The following RASA1 variants were observed in gnomAD, a reference collection of about 807,000 sequenced individuals.
RASA1 encodes ras GTPase-activating protein 1.
A neutral mutation model predicts 132.2 loss-of-function variants in RASA1; 25 were observed. The observed-to-expected ratio is 0.19, with a 90% confidence interval of 0.14 to 0.26. The LOEUF (loss-of-function observed/expected upper bound fraction) is 0.26, where lower values mean the gene tolerates loss of function less well. Among genes scored for constraint, RASA1 ranks in the 10% least tolerant of loss-of-function variants. The pLI, the probability that RASA1 is intolerant of heterozygous loss-of-function variation, is 1.00. For synonymous variants in RASA1, 477 were observed against 449.9 expected, an observed-to-expected ratio of 1.06 and a Z score of -0.76; for missense variants, 964 against 1,299.2, an observed-to-expected ratio of 0.74 and a Z score of 3.97.
At chr5:87,341,988 A>G (rs994203085) in intron 6 of RASA1, among the ~76,000 whole-genome samples, 1 of 152,132 alleles carries the variant, frequency 6.6e-6, no homozygotes, top group African/African-American at 2.4e-5. Context: ...ACCTTGTTTA[A>G]TGCTTCACCC....
At position 87,385,403 on chromosome 5, in the gene RASA1, G is replaced by T. The variant is rs1761995831; in HGVS notation, c.2847+14G>T. 6.4e-7 allele frequency: 1 copy of T among 1,552,560 alleles called. No individual in the cohort carries two copies. Among genetic ancestry groups the T allele is most frequent in the South Asian group, 1.1e-5 (1 of 89,380 alleles). ...TTTGGAGCTAAGGTAAAAACATTTT[G>T]ATACTTTAAAATGTAATTTATGAAT... On this transcript the variant is annotated intron_variant, in intron 22 of 24. Transcript: ENST00000274376.
rs114703117 is a variant in RASA1 at position 87,287,656 on chromosome 5, G to A, written c.539+18666G>A. Among the ~76,000 whole-genome samples, 181 of 138,132 alleles carry A rather than the reference G, an allele frequency of 1.3e-3. 1 individual carries two copies. The highest frequency in any genetic ancestry group is 4.6e-3 in the African/African-American group (170 of 36,868). 90.6% of individuals were successfully genotyped at this position (138,132 alleles called of 152,430 possible). A position where few individuals can be genotyped will look rare whatever the true frequency, so the allele number is the denominator to read the frequency against. Reference sequence around the variant, plus strand: ...CCATAGATATACCATATATATACACGCCATAGATATACACCATATATGTAC... The same window carrying A: ...CCATAGATATACCATATATATACACACCATAGATATACACCATATATGTAC... On this transcript the variant is annotated intron_variant, in intron 1 of 24. Transcript: ENST00000274376.
intron 9 of RASA1, among the ~76,000 whole-genome samples, chr5:87,361,241 G>T (rs535462783): frequency 6.6e-6 from 1 of 152,332 alleles, no homozygotes; most frequent in South Asian, 2.1e-4. Context: ...TAAAAAACAG[G>T]TGGTGGACTG....
chr5:87,376,968 A>C lies in RASA1; in HGVS notation c.2272A>C (p.Arg758=). 1 of 1,612,676 alleles carries C rather than the reference A, an allele frequency of 6.2e-7. No homozygotes were observed. Among genetic ancestry groups the C allele is most frequent in the Non-Finnish European group, 8.5e-7 (1 of 1,178,688 alleles). The change falls in exon 17 of 25, where the codon AGG becomes CGG. Residue 758 remains arginine, a synonymous_variant. Transcript: ENST00000274376. The stretch of plus-strand genomic sequence containing the variant: ...AACACTACTGGCCAGCATCCTACTG[A>C]GGATTTTTCTTCACGAAAAGCTTGA... ...DRTLLASILL[R]IFLHEKLESL... is the part of the protein sequence containing the mutation.
At position 87,318,228 on chromosome 5, in the gene RASA1, A is replaced by T. The variant is rs142876944; in HGVS notation, c.540-13120A>T. On this transcript the variant is annotated intron_variant, in intron 1 of 24. Coordinates refer to ENST00000274376, the MANE Select transcript of RASA1 (RefSeq NM_002890.3). ...ACTGTATGCAAAGCACTGTACTAAG[A>T]ATGCTATAGGGTATATAAAAATCAG... 2.6e-3 allele frequency among the ~76,000 whole-genome samples: 402 copies of T among 152,288 alleles called. 4 individuals are homozygous for T. The highest frequency in any genetic ancestry group is 8.1e-3 in the East Asian group (42 of 5,182).
chr5:87,315,759 T>C (rs1756282662), intron 1 of RASA1, among the ~76,000 whole-genome samples: 1 of 152,214 alleles, frequency 6.6e-6, no homozygotes, highest in Non-Finnish European at 1.5e-5. Context: ...GCTTCCATTA[T>C]TTTTGTATAT....
chr5:87,354,745 T>G (rs1454651309), intron 9 of RASA1, among the ~76,000 whole-genome samples: 1 of 152,196 alleles, frequency 6.6e-6, no homozygotes, highest in African/African-American at 2.4e-5. Context: ...AAGCTAGGTC[T>G]CTTGCACCAA....
intron 1 of RASA1, among the ~76,000 whole-genome samples, chr5:87,275,587 TC>T (rs1399305095): frequency 3.1e-4 from 47 of 150,382 alleles, no homozygotes; most frequent in African/African-American, 5.8e-4. Flanking sequence ...TTTTTTTTTT[TC>T]CCCCCTGAGA....
intron 9 of RASA1, 36 bp from the exon 10 acceptor site, chr5:87,362,515 A>G: frequency 6.4e-7 from 1 of 1,559,648 alleles, no homozygotes; most frequent in Admixed American, 1.7e-5. Flanking sequence ...TCCATCAAGA[A>G]TGTATGAAAT....
At chr5:87,387,045 TA>T in intron 23 of RASA1, 142 bp downstream of exon 23, 1 of 717,360 alleles carries the variant, frequency 1.4e-6, no homozygotes, top group Non-Finnish European at 2.3e-6. Flanking sequence ...TCTGCCTTCC[TA>T]AACAAAAAAC....
chr5:87,331,282 T>A (rs1478386660), intron 1 of RASA1, 66 bp from the exon 2 acceptor site: 7 of 1,479,008 alleles, frequency 4.7e-6, no homozygotes, highest in Non-Finnish European at 6.6e-6. Context: ...AGTATGTTTT[T>A]CAAGTGTCCA....
chr5:87,387,629 G>C (rs932727137), intron 23 of RASA1, among the ~76,000 whole-genome samples: 4 of 152,114 alleles, frequency 2.6e-5, no homozygotes, highest in Non-Finnish European at 5.9e-5. Context: ...TAGGATTGGA[G>C]ATTGAGGTGT....
intron 1 of RASA1, 41 bp from the exon 2 acceptor site, chr5:87,331,307 T>G (rs777663943): frequency 1.5e-5 from 23 of 1,550,506 alleles, no homozygotes; most frequent in Non-Finnish European, 1.9e-5. Context: ...AATTCTGCAC[T>G]TGCTATTTAT....
chr5:87,318,369 T>C (rs1167075071), intron 1 of RASA1: 1 of 152,072 alleles, frequency 6.6e-6, no homozygotes, highest in Non-Finnish European at 1.5e-5. Flanking sequence ...AAGGAGGGTG[T>C]ATTAGTTTGT....
intron 1 of RASA1, among the ~76,000 whole-genome samples, chr5:87,289,225 G>A (rs771604942): frequency 6.6e-6 from 1 of 152,150 alleles, no homozygotes; most frequent in African/African-American, 2.4e-5. Flanking sequence ...ATTACTGGCA[G>A]AGATATGCCA....
At chr5:87,278,550 AAAAAG>A (rs1410618048) in intron 1 of RASA1, among the ~76,000 whole-genome samples, 15 of 152,044 alleles carry the variant, frequency 9.9e-5, no homozygotes, top group Admixed American at 6.5e-5. Flanking sequence ...TGTCTCAAAA[AAAAAG>A]AAAAGAAAAA....
intron 1 of RASA1, among the ~76,000 whole-genome samples, chr5:87,275,092 C>T (rs887388300): frequency 6.6e-6 from 1 of 152,184 alleles, no homozygotes; most frequent in South Asian, 2.1e-4. Context: ...AAAGGAAAAA[C>T]GAAGAGTAGA....
At chr5:87,331,995 A>G (rs1165065776) in intron 2 of RASA1, among the ~76,000 whole-genome samples, 1 of 152,124 alleles carries the variant, frequency 6.6e-6, no homozygotes, top group Non-Finnish European at 1.5e-5. Flanking sequence ...TCATTTTTAT[A>G]GAAGAAATTG....
intron 1 of RASA1, among the ~76,000 whole-genome samples, chr5:87,322,924 GTGTC>G (rs1183004119): frequency 1.3e-5 from 2 of 152,222 alleles, no homozygotes; most frequent in Admixed American, 6.5e-5. Flanking sequence ...AAGTGTGAGA[GTGTC>G]TGTGTGTTTG....
Sources: gnomAD v4.1 joint callset for allele counts (sites outside exome capture counted in the v4.1 genomes callset) on GRCh38, gnomAD v4.1.1 for gene constraint, MANE v1.5 for transcripts, NCBI Gene and HGNC (gene_info 2026-07-23, HGNC 2026-07-21) for gene names.